The following THSD7A variants were observed in gnomAD, a reference collection of about 807,000 sequenced individuals.
The protein encoded by THSD7A is thrombospondin type-1 domain-containing protein 7A.
THSD7A carries 96 observed loss-of-function variants against 231.3 expected under a neutral mutation model. The ratio of observed to expected loss-of-function variants is 0.41; its 90% CI spans 0.35 to 0.49. The LOEUF (loss-of-function observed/expected upper bound fraction) is 0.49. THSD7A is among the 20% of genes least tolerant of loss of function. THSD7A has a pLI of 0.05. For missense variants in THSD7A, 2,290 were observed against 2,070.2 expected (o/e 1.11, Z -2.06); for synonymous variants, 940 against 743.3 (o/e 1.26, Z -4.30).
chr7:11,424,871 A>G, intron 15 of THSD7A, 42 bp from the exon 16 acceptor site: 1 of 1,611,342 alleles, frequency 6.2e-7, no homozygotes. Flanking sequence ...GGAATCTGGT[A>G]AGAGTGAGGA....
At chr7:11,683,990 T>C (rs1183865359) in intron 1 of THSD7A, among the ~76,000 whole-genome samples, 3 of 151,862 alleles carry the variant, frequency 2.0e-5, no homozygotes, top group Non-Finnish European at 4.4e-5. Flanking sequence ...CTACAAAATA[T>C]TAGCAAACTG....
chr7:11,470,155 C>T (rs1785878706), intron 8 of THSD7A, among the ~76,000 whole-genome samples, 161 bp from the exon 9 acceptor site: 1 of 152,060 alleles, frequency 6.6e-6, no homozygotes, highest in South Asian at 2.1e-4. Flanking sequence ...AAGAACTATA[C>T]AACTAAATTG....
At chr7:11,754,290 A>G (rs75192947) in intron 1 of THSD7A, among the ~76,000 whole-genome samples, 2,870 of 152,142 alleles carry the variant, frequency 0.019, 89 homozygotes, top group African/African-American at 0.065. Context: ...CGGAAGTGAG[A>G]ACTCGAGGTA....
intron 1 of THSD7A, among the ~76,000 whole-genome samples, chr7:11,803,273 T>C (rs1464750212): frequency 6.6e-6 from 1 of 152,134 alleles, no homozygotes; most frequent in Non-Finnish European, 1.5e-5. Context: ...GGACTTTTGA[T>C]CAATATTTTA....
intron 10 of THSD7A, 95 bp downstream of exon 10, chr7:11,461,916 G>C: frequency 6.8e-7 from 1 of 1,465,294 alleles, no homozygotes; most frequent in Middle Eastern, 2.0e-4. Context: ...CCTGTGGAAG[G>C]AACAGTGTTG....
chr7:11,524,541 A>G lies in THSD7A; in HGVS notation c.1822+16878T>C, dbSNP rs542195142. ...TTTTTGGATGGTTCGACTTTAAAAGACCGATGAACATTTAAGGTAGGTAGA... is the reference window on the plus strand; with the variant it reads ...TTTTTGGATGGTTCGACTTTAAAAGGCCGATGAACATTTAAGGTAGGTAGA... On this transcript the variant is annotated intron_variant, in intron 6 of 27. Coordinates refer to ENST00000423059, the MANE Select transcript of THSD7A (RefSeq NM_015204.3). Among the ~76,000 whole-genome samples, 5 of 152,316 alleles carry G rather than the reference A, an allele frequency of 3.3e-5. No individual in the cohort carries two copies. In the East Asian group the frequency reaches 9.6e-4, roughly 29 times the overall value.
intron 13 of THSD7A, among the ~76,000 whole-genome samples, chr7:11,439,739 C>A (rs1052357604): frequency 2.6e-5 from 4 of 151,944 alleles, no homozygotes; most frequent in Non-Finnish European, 4.4e-5. Context: ...GAGGAAGCTA[C>A]ATAAAAAACG....
intron 6 of THSD7A, among the ~76,000 whole-genome samples, chr7:11,510,950 C>A (rs535411917): frequency 1.7e-4 from 26 of 151,866 alleles, no homozygotes; most frequent in African/African-American, 5.8e-4. Flanking sequence ...CAGGCAGGAG[C>A]AACAAATAAA....
intron 19 of THSD7A, 34 bp from the exon 20 acceptor site, chr7:11,407,457 G>A (rs913559835): frequency 2.4e-5 from 36 of 1,517,022 alleles, no homozygotes; most frequent in Non-Finnish European, 3.2e-5. Context: ...GATGTATATT[G>A]TAAATTGGGG....
chr7:11,395,283 A>G (rs950890184), intron 23 of THSD7A, among the ~76,000 whole-genome samples: 2 of 152,226 alleles, frequency 1.3e-5, no homozygotes, highest in African/African-American at 2.4e-5. Context: ...TATCCCAAAT[A>G]TAGATGCACC....
intron 13 of THSD7A, among the ~76,000 whole-genome samples, chr7:11,434,705 A>T (rs1006278669): frequency 6.6e-6 from 1 of 152,102 alleles, no homozygotes; most frequent in Non-Finnish European, 1.5e-5. Context: ...TGCAACTGGG[A>T]ATGAGAAAAT....
chr7:11,631,017 A>G (rs1781630099), intron 2 of THSD7A, among the ~76,000 whole-genome samples: 1 of 152,110 alleles, frequency 6.6e-6, no homozygotes, highest in South Asian at 2.1e-4. Flanking sequence ...AGAAAATAAC[A>G]TTTCTGCTTA....
At chr7:11,754,191 A>G (rs923201058) in intron 1 of THSD7A, among the ~76,000 whole-genome samples, 1 of 152,062 alleles carries the variant, frequency 6.6e-6, no homozygotes, top group African/African-American at 2.4e-5. Flanking sequence ...CAAAGAAACC[A>G]TGTCTAAAGA....
intron 1 of THSD7A, among the ~76,000 whole-genome samples, chr7:11,684,397 GA>G (rs111442594): frequency 3.3e-3 from 423 of 127,812 alleles, no homozygotes; most frequent in African/African-American, 6.0e-3. Flanking sequence ...AATGAGGCAT[GA>G]AAAAAAAAAA....
chr7:11,514,480 A>C (rs1027727654), intron 6 of THSD7A, among the ~76,000 whole-genome samples: 23 of 152,180 alleles, frequency 1.5e-4, no homozygotes, highest in African/African-American at 5.5e-4. Context: ...TGATAAACAC[A>C]AAATTCATTT....
chr7:11,383,867 C>CA (rs986892162), intron 23 of THSD7A: 1 of 151,970 alleles, frequency 6.6e-6, no homozygotes, highest in African/African-American at 2.4e-5. Context: ...GACATTCTTT[C>CA]AGAGTGTGAG....
intron 1 of THSD7A, among the ~76,000 whole-genome samples, chr7:11,806,928 C>T (rs1018638746): frequency 2.6e-5 from 4 of 152,078 alleles, no homozygotes; most frequent in African/African-American, 9.7e-5. Flanking sequence ...TATAATTTCT[C>T]ATTTGCACAA....
At chr7:11,647,390 C>T (rs1412888172) in intron 1 of THSD7A, among the ~76,000 whole-genome samples, 2 of 151,980 alleles carry the variant, frequency 1.3e-5, no homozygotes, top group Admixed American at 1.3e-4. Flanking sequence ...GCTCTTATGG[C>T]ACAGCACCAT....
chr7:11,458,634 CA>C (rs1785391827), intron 11 of THSD7A, among the ~76,000 whole-genome samples: 1 of 151,970 alleles, frequency 6.6e-6, no homozygotes, highest in South Asian at 2.1e-4. Context: ...AATAGGAAAT[CA>C]AAAATGGAAC....
Sources: allele counts gnomAD v4.1 joint callset (sites outside exome capture counted in the v4.1 genomes callset), GRCh38; gene constraint gnomAD v4.1.1; transcripts MANE v1.5; gene names NCBI Gene and HGNC (gene_info 2026-07-23, HGNC 2026-07-21).